The following PLA2G4C variants were observed in gnomAD, a reference collection of about 807,000 sequenced individuals.
The protein encoded by PLA2G4C is cytosolic phospholipase A2 gamma.
In PLA2G4C, 64 loss-of-function variants were observed where a neutral mutation model predicts 73.8. The observed-to-expected ratio is 0.87, with a 90% CI of 0.71 to 1.07. The LOEUF (loss-of-function observed/expected upper bound fraction) is 1.07. PLA2G4C is among the 50% of genes least tolerant of loss of function. The pLI is 0.00. For missense variants in PLA2G4C, 622 were observed against 665.4 expected (o/e 0.93, Z 0.72); for synonymous variants, 254 against 252.1 (o/e 1.01, Z -0.07).
chr19:48,082,496 CTTTTTT>C (rs66641645), intron 10 of PLA2G4C, among the ~76,000 whole-genome samples: 2 of 106,280 alleles, frequency 1.9e-5, no homozygotes, highest in Admixed American at 1.2e-4. Flanking sequence ...TTCTTTCTTT[CTTTTTT>C]TTTTTTTTTT....
At chr19:48,081,165 A>C (rs2030540686) in intron 10 of PLA2G4C, among the ~76,000 whole-genome samples, 1 of 151,536 alleles carries the variant, frequency 6.6e-6, no homozygotes, top group African/African-American at 2.4e-5. Flanking sequence ...ACTGTCTCAA[A>C]AAAAAAAAAA....
chr19:48,103,936 C>G (rs2032039747), intron 4 of PLA2G4C: 1 of 151,820 alleles, frequency 6.6e-6, no homozygotes, highest in South Asian at 2.1e-4. Context: ...GACAGGGTCT[C>G]TCTGTCACCC....
In PLA2G4C at chr19:48,062,018, T is replaced by C; in HGVS notation, c.1237A>G (p.Ser413Gly). The C allele has an allele frequency of 6.2e-7, 1 of 1,613,874 alleles. No homozygotes were observed. The highest frequency in any genetic ancestry group is 1.1e-5 in the South Asian group (1 of 91,074). The change falls in exon 14 of 17, where the codon AGT (serine) becomes GGT (glycine). Residue 413 changes from serine to glycine, a missense_variant. Ser to Gly is a moderately conservative substitution (Grantham distance 56). Coordinates refer to ENST00000599921, the MANE Select transcript of PLA2G4C (RefSeq NM_003706.3). ...ATTACCTCGAAAGGATCTCCGGCAC[T>C]GAAGTCGAAGGAGAGGATGAGGTGA... ...EVHLILSFDF[S>G]AGDPFETIRA...
intron 1 of PLA2G4C, among the ~76,000 whole-genome samples, chr19:48,109,828 T>G (rs1252636744): frequency 6.6e-6 from 1 of 151,748 alleles, no homozygotes; most frequent in Non-Finnish European, 1.5e-5. Flanking sequence ...TTTTTGTATT[T>G]TTAGTTGAGA....
chr19:48,084,041 T>TGTGTGTGTGTGTGTGC (rs1491469829), intron 10 of PLA2G4C, among the ~76,000 whole-genome samples: 2 of 10,550 alleles, frequency 1.9e-4, no homozygotes, highest in Non-Finnish European at 3.6e-4. Context: ...ATGCCAATTT[T>TGTGTGTGTGTGTGTGC]GTGTGTGTGT....
chr19:48,099,511 T>TGCA (rs2031784824), intron 5 of PLA2G4C, among the ~76,000 whole-genome samples, 160 bp downstream of exon 5: 1 of 152,224 alleles, frequency 6.6e-6, no homozygotes, highest in Non-Finnish European at 1.5e-5. Context: ...AATCCTGATA[T>TGCA]ACTTTAGTTT....
At chr19:48,104,126 A>C (rs1307747210) in intron 4 of PLA2G4C, 1 of 154,696 alleles carries the variant, frequency 6.5e-6, no homozygotes, top group Non-Finnish European at 1.4e-5. Flanking sequence ...CTGGGTCTCA[A>C]ACTCCTAGAC....
intron 12 of PLA2G4C, among the ~76,000 whole-genome samples, chr19:48,070,602 A>G (rs539260171): frequency 9.2e-5 from 14 of 152,228 alleles, no homozygotes; most frequent in African/African-American, 2.9e-4. Flanking sequence ...AGGGACAGGG[A>G]TGGAGCTGGA....
chr19:48,054,488 T>C (rs535051386), intron 15 of PLA2G4C, among the ~76,000 whole-genome samples: 63 of 151,150 alleles, frequency 4.2e-4, no homozygotes, highest in Non-Finnish European at 6.6e-4. Context: ...TTTTTGTTGT[T>C]GTATTTTTAG....
Position 48,110,764 on chromosome 19 carries a change from A to C in PLA2G4C, c.-310T>G. 1 of 415,882 alleles carries C rather than the reference A, an allele frequency of 2.4e-6. No homozygotes were observed. The highest frequency in any genetic ancestry group is 4.3e-6 in the Non-Finnish European group (1 of 234,804). 25.8% of individuals were successfully genotyped at this position (415,882 alleles called of 1,614,324 possible). On this transcript the variant is annotated 5_prime_UTR_variant, in exon 1 of 17. Transcript: ENST00000599921. ...GAGGTAAAATGGCCCCTGCGCCTTT[A>C]AACAGCCCTCCTCGGCTTGTAGGCC...
At chr19:48,064,053 TATAGGAA>T (rs1968309769) in intron 13 of PLA2G4C, 2 of 152,104 alleles carry the variant, frequency 1.3e-5, no homozygotes, top group African/African-American at 4.8e-5. Context: ...TTTTGTTATA[TATAGGAA>T]AACAACAACA....
intron 14 of PLA2G4C, among the ~76,000 whole-genome samples, chr19:48,060,400 G>A (rs2122471230): frequency 6.6e-6 from 1 of 152,292 alleles, no homozygotes; most frequent in Middle Eastern, 3.4e-3. Context: ...GTAGTGGACA[G>A]CTTAGGTCTC....
chr19:48,074,230 T>C (rs1347960997), intron 12 of PLA2G4C, among the ~76,000 whole-genome samples: 1 of 151,958 alleles, frequency 6.6e-6, no homozygotes, highest in East Asian at 1.9e-4. Flanking sequence ...TGAGAACATG[T>C]GGTGTTTGGT....
At chr19:48,102,660 C>T (rs963041485) in intron 4 of PLA2G4C, among the ~76,000 whole-genome samples, 1 of 152,160 alleles carries the variant, frequency 6.6e-6, no homozygotes, top group African/African-American at 2.4e-5. Context: ...GTTGCTGTCA[C>T]ATGTAAACCT....
intron 10 of PLA2G4C, among the ~76,000 whole-genome samples, chr19:48,081,114 G>A (rs1456737465): frequency 8.0e-5 from 12 of 150,828 alleles, no homozygotes; most frequent in African/African-American, 1.2e-4. Context: ...GCGGTGAGCC[G>A]AGATCGCGCC....
chr19:48,053,639 C>T (rs1967815648), intron 15 of PLA2G4C, among the ~76,000 whole-genome samples: 2 of 151,584 alleles, frequency 1.3e-5, no homozygotes, highest in Admixed American at 6.6e-5. Flanking sequence ...TCCCAAAGTG[C>T]TGGGATTACA....
intron 16 of PLA2G4C, among the ~76,000 whole-genome samples, chr19:48,050,215 C>T (rs915744314): frequency 2.7e-4 from 41 of 152,040 alleles, no homozygotes; most frequent in African/African-American, 9.2e-4. Context: ...CCACCATGCC[C>T]GGCCTCTGTG....
intron 15 of PLA2G4C, among the ~76,000 whole-genome samples, chr19:48,053,873 G>C (rs532538307): frequency 9.9e-5 from 15 of 152,284 alleles, no homozygotes; most frequent in African/African-American, 3.6e-4. Flanking sequence ...AGGCCCCGGA[G>C]GACCACCCAT....
chr19:48,110,627 CG>C lies in PLA2G4C; in HGVS notation c.-174del. On this transcript the variant is annotated 5_prime_UTR_variant, in exon 1 of 17. Coordinates refer to ENST00000599921, the MANE Select transcript of PLA2G4C (RefSeq NM_003706.3). ...CCGGAATCTCCGCGGGTGAAGACTG[CG>C]GGGATCCTCGGTGCCAAAGCTTCTG... 1.5e-6 allele frequency: 1 copy of C among 645,538 alleles called. No homozygotes were observed. Among genetic ancestry groups the C allele is most frequent in the Non-Finnish European group, 2.1e-6 (1 of 478,292 alleles). 40.0% of individuals were successfully genotyped at this position (645,538 alleles called of 1,614,324 possible).
Sources: allele counts gnomAD v4.1 joint callset (sites outside exome capture counted in the v4.1 genomes callset), GRCh38; gene constraint gnomAD v4.1.1; transcripts MANE v1.5; gene names NCBI Gene and HGNC (gene_info 2026-07-23, HGNC 2026-07-21).